ARF1: variants seen among roughly 807,000 people sequenced by gnomAD.
ARF1 encodes the protein ARF GTPase 1.
Under a neutral mutation model 18.0 loss-of-function variants are expected in ARF1, and 1 was observed. The ratio of observed to expected loss-of-function variants is 0.06; its 90% CI spans 0.02 to 0.26. The LOEUF (loss-of-function observed/expected upper bound fraction) is 0.26. Ranked by LOEUF, ARF1 falls within the 10% of genes least tolerant of loss-of-function variation. The probability of loss-of-function intolerance (pLI) is 1.00; values close to 1 mark genes in which losing one functional copy is unlikely to be tolerated. For synonymous variants in ARF1, 112 were observed against 96.3 expected (o/e 1.16, Z -0.95); for missense variants, 73 against 247.2 (o/e 0.30, Z 4.73).
chr1:228,091,725 GA>G (rs1323503051), intron 1 of ARF1, among the ~76,000 whole-genome samples: 1 of 152,178 alleles, frequency 6.6e-6, no homozygotes, highest in East Asian at 1.9e-4. Context: ...GTAAAATAGT[GA>G]CAAAATGTAA....
rs575298975 is a variant in ARF1 at position 228,097,285 on chromosome 1, G to GTGGGC, written c.148+39_149-37dup. The stretch of plus-strand genomic sequence containing the variant: ...TAGGTGAGGTGGGGGCCAGCAGGGA[G>GTGGGC]TGGGCTGGGCTGGGCTGGGCCAAGG... On this transcript the variant is annotated intron_variant, in intron 2 of 4. Transcript: ENST00000272102. The surrounding 1 kb of genome is among the most constrained non-coding windows in gnomAD (Gnocchi z 8.1). 6.0e-4 allele frequency: 958 copies of GTGGGC among 1,609,408 alleles called. 15 individuals are homozygous for GTGGGC. The South Asian group carries it at 9.0e-3, about 15-fold the overall frequency.
chr1:228,089,954 C>T lies in ARF1; in HGVS notation c.-37-7124C>T, dbSNP rs984896138. On this transcript the variant is annotated intron_variant, in intron 1 of 4. Coordinates refer to ENST00000272102, the MANE Select transcript of ARF1 (RefSeq NM_001658.4). This position sits in a 1 kb window ranked among gnomAD's most constrained non-coding sequence, Gnocchi z 4.1. ...TGGGTTCTTGCCACTCCCCTGAAAA[C>T]CAGGGTAGCATTGTCACATCAGATA... is the stretch of plus-strand genomic sequence containing the variant. 6.6e-6 allele frequency among the ~76,000 whole-genome samples: 1 copy of T among 152,216 alleles called. No individual in the cohort carries two copies. The highest frequency in any genetic ancestry group is 1.5e-5 in the Non-Finnish European group (1 of 68,036).
chr1:228,085,615 G>A (rs1049825843), intron 1 of ARF1, among the ~76,000 whole-genome samples: 1 of 152,242 alleles, frequency 6.6e-6, no homozygotes, highest in African/African-American at 2.4e-5. Context: ...GACTGGGAAG[G>A]GTGGTGCTTC....
intron 1 of ARF1, among the ~76,000 whole-genome samples, chr1:228,088,533 T>C (rs1208434845): frequency 6.6e-6 from 1 of 152,240 alleles, no homozygotes; most frequent in East Asian, 1.9e-4. Flanking sequence ...AAAAAAAATT[T>C]TTGTGCATAG....
rs1321603836 is a variant in ARF1 at position 228,082,774 on chromosome 1, G to C, written c.-38+9G>C. The C allele has an allele frequency of 3.3e-5, 5 of 152,254 alleles. No individual in the cohort carries two copies. Among genetic ancestry groups the C allele is most frequent in the Admixed American group, 6.5e-5 (1 of 15,284 alleles). 9.4% of individuals were successfully genotyped at this position (152,254 alleles called of 1,614,324 possible). On this transcript the variant is annotated intron_variant, in intron 1 of 4. Coordinates refer to ENST00000272102, the MANE Select transcript of ARF1 (RefSeq NM_001658.4). This position sits in a 1 kb window ranked among gnomAD's most constrained non-coding sequence, Gnocchi z 6.1. ...GAGCAGCAGCCTCTGAGGTGAGGGC[G>C]AGGGGCGCGGGCCGGTGTGGGCCGC...
chr1:228,086,151 C>T (rs1235959515), intron 1 of ARF1, among the ~76,000 whole-genome samples: 1 of 152,208 alleles, frequency 6.6e-6, no homozygotes, highest in Non-Finnish European at 1.5e-5. Flanking sequence ...TAGTTAACAG[C>T]ATCTACAGCC....
Position 228,097,853 on chromosome 1 carries a change from A to C in ARF1, c.386A>C (p.Asp129Ala). 1 of 1,612,214 alleles carries C rather than the reference A, an allele frequency of 6.2e-7. No homozygotes were observed. Among genetic ancestry groups the C allele is most frequent in the African/African-American group, 1.3e-5 (1 of 74,492 alleles). Residue 129 changes from aspartate (D) to alanine (A), a missense_variant and splice_region_variant, in exon 5 of 5, where the codon GAC becomes GCC. Transcript: ENST00000272102. The surrounding 1 kb of genome is among the most constrained non-coding windows in gnomAD (Gnocchi z 8.1). ...CCCACCAACCCTTCCTTCCCCCAGGACCTCCCCAACGCCATGAATGCGGCC... is the reference window on the plus strand; with the variant it reads ...CCCACCAACCCTTCCTTCCCCCAGGCCCTCCCCAACGCCATGAATGCGGCC... ...AVLLVFANKQ[D>A]LPNAMNAAEI...
At chr1:228,087,059 C>T (rs983916648) in intron 1 of ARF1, among the ~76,000 whole-genome samples, 2 of 152,112 alleles carry the variant, frequency 1.3e-5, no homozygotes, top group African/African-American at 4.8e-5. Flanking sequence ...TTCCTATGTC[C>T]TCAAAATAGT....
chr1:228,091,859 G>T (rs1365705298), intron 1 of ARF1, among the ~76,000 whole-genome samples: 1 of 152,130 alleles, frequency 6.6e-6, no homozygotes, highest in Non-Finnish European at 1.5e-5. Context: ...TTGTGCAGGT[G>T]AGAATAAATG....
chr1:228,096,123 C>T (rs910445713), intron 1 of ARF1, among the ~76,000 whole-genome samples: 6 of 152,250 alleles, frequency 3.9e-5, no homozygotes, highest in East Asian at 1.9e-4. Context: ...ATTTCCTTGC[C>T]GTAGCGTGCT....
At chr1:228,086,084 A>T (rs1398808889) in intron 1 of ARF1, among the ~76,000 whole-genome samples, 1 of 152,222 alleles carries the variant, frequency 6.6e-6, no homozygotes, top group Non-Finnish European at 1.5e-5. Context: ...CTGGTCACCA[A>T]TAGCCAATAA....
chr1:228,098,103 C>A lies in ARF1; in HGVS notation c.*90C>A. On this transcript the variant is annotated 3_prime_UTR_variant, in exon 5 of 5. Transcript: ENST00000272102. ...CTCGTGGTGTGAGTGCCAGAAGCTG[C>A]CTCCGTGGTTTGGTCACCGTGTGCA... The A allele has an allele frequency of 1.3e-6, 2 of 1,493,132 alleles. No homozygotes were observed. Among genetic ancestry groups the A allele is most frequent in the Non-Finnish European group, 1.8e-6 (2 of 1,108,728 alleles). The allele number at this position is 1,493,132 out of a possible 1,614,324, so 92.5% of individuals were successfully genotyped here.
At chr1:228,091,284 A>G (rs1053480455) in intron 1 of ARF1, among the ~76,000 whole-genome samples, 13 of 152,220 alleles carry the variant, frequency 8.5e-5, no homozygotes, top group Non-Finnish European at 1.8e-4. Flanking sequence ...CCCACCTGAA[A>G]GTCAGACCTG....
rs1385117841 is a variant in ARF1, at chr1:228,098,321, C to T, written c.*308C>T. On this transcript the variant is annotated 3_prime_UTR_variant, in exon 5 of 5. Coordinates refer to ENST00000272102, the MANE Select transcript of ARF1 (RefSeq NM_001658.4). ...ATGTAGGCCCATGGGCACCTGGCCT[C>T]CAGGAGTCGCTGTGTTGGGAGAGCC... 4.4e-6 allele frequency: 1 copy of T among 229,194 alleles called. No homozygotes were observed. 14.2% of individuals were successfully genotyped at this position (229,194 alleles called of 1,614,324 possible). A position where few individuals can be genotyped will look rare whatever the true frequency, so the allele number is the denominator to read the frequency against.
At position 228,098,502 on chromosome 1, in the gene ARF1, G is replaced by T. The variant is rs947941251; in HGVS notation, c.*489G>T. 1 of 153,124 alleles carries T rather than the reference G, an allele frequency of 6.5e-6. No homozygotes were observed. Among genetic ancestry groups the T allele is most frequent in the East Asian group, 1.9e-4 (1 of 5,180 alleles). The allele number at this position is 153,124 out of a possible 1,614,324, so 9.5% of individuals were successfully genotyped here. A position where few individuals can be genotyped will look rare whatever the true frequency, so the allele number is the denominator to read the frequency against. The stretch of plus-strand genomic sequence containing the variant: ...CCGCCTAGCATAGATTTGCAGTTAC[G>T]GCCTGGATGCCAGTCGCCAGCCCAG... On this transcript the variant is annotated 3_prime_UTR_variant, in exon 5 of 5. Coordinates refer to ENST00000272102, the MANE Select transcript of ARF1 (RefSeq NM_001658.4).
chr1:228,090,279 T>C (rs911200939), intron 1 of ARF1, among the ~76,000 whole-genome samples: 6 of 152,080 alleles, frequency 3.9e-5, no homozygotes, highest in African/African-American at 1.4e-4. Context: ...GACTGGGCCA[T>C]GATCCAGGGC....
chr1:228,095,656 T>C (rs2032720286), intron 1 of ARF1, among the ~76,000 whole-genome samples: 1 of 152,206 alleles, frequency 6.6e-6, no homozygotes, highest in South Asian at 2.1e-4. Flanking sequence ...CCCAGCTTCA[T>C]CCCTTGGGTC....
chr1:228,094,251 T>C (rs2032664070), intron 1 of ARF1, among the ~76,000 whole-genome samples: 1 of 152,164 alleles, frequency 6.6e-6, no homozygotes, highest in Non-Finnish European at 1.5e-5. Context: ...AGGCGACCCT[T>C]ATTCCTGAGT....
At chr1:228,095,965 C>T (rs1373288854) in intron 1 of ARF1, among the ~76,000 whole-genome samples, 1 of 152,182 alleles carries the variant, frequency 6.6e-6, no homozygotes, top group Non-Finnish European at 1.5e-5. Context: ...AGCAAAGTGT[C>T]CAAAGGACAC....
Sources: allele counts gnomAD v4.1 joint callset (sites outside exome capture counted in the v4.1 genomes callset), GRCh38; gene constraint gnomAD v4.1.1; non-coding constraint Gnocchi (gnomAD v3.1); transcripts MANE v1.5; gene names NCBI Gene and HGNC (gene_info 2026-07-23, HGNC 2026-07-21).